Variants in TMEM74 observed in about 807,000 individuals in gnomAD.
TMEM74 encodes transmembrane protein 74.
In TMEM74, 13 loss-of-function variants were observed where a neutral mutation model predicts 18.1. The ratio of observed to expected loss-of-function variants is 0.72; its 90% CI spans 0.47 to 1.14. The LOEUF (loss-of-function observed/expected upper bound fraction) is 1.14. TMEM74 is among the 50% of genes most tolerant of loss of function. TMEM74 has a pLI of 0.00. For synonymous variants in TMEM74, 159 were observed against 146.6 expected (o/e 1.08, Z -0.61); for missense variants, 372 against 375.9 (o/e 0.99, Z 0.09).
chr8:108,726,529 G>A (rs1057108116), intron 1 of TMEM74, among the ~76,000 whole-genome samples: 5 of 152,152 alleles, frequency 3.3e-5, no homozygotes, highest in Non-Finnish European at 5.9e-5. Flanking sequence ...AATAGGTACG[G>A]TGTAACAAAT....
intron 1 of TMEM74, among the ~76,000 whole-genome samples, chr8:108,722,051 G>A (rs915421138): frequency 3.3e-5 from 5 of 152,094 alleles, no homozygotes; most frequent in South Asian, 2.1e-4. Context: ...GGTCAAAAAT[G>A]TTTTATTCTC....
chr8:108,611,423 A>G (rs1487867064), intron 2 of TMEM74, among the ~76,000 whole-genome samples: 1 of 152,248 alleles, frequency 6.6e-6, no homozygotes, highest in Non-Finnish European at 1.5e-5. Context: ...TGACCTCTCC[A>G]ACATACTAAT....
At chr8:108,735,784 A>C (rs769480705) in intron 1 of TMEM74, among the ~76,000 whole-genome samples, 2 of 152,036 alleles carry the variant, frequency 1.3e-5, no homozygotes, top group Non-Finnish European at 2.9e-5. Context: ...CCCACTCCTT[A>C]ATATCCAATA....
At chr8:108,611,976 C>T (rs1286701454) in intron 2 of TMEM74, among the ~76,000 whole-genome samples, 2 of 152,052 alleles carry the variant, frequency 1.3e-5, no homozygotes, top group African/African-American at 4.8e-5. Context: ...CTTCACAGGG[C>T]GGTAGGAGAG....
chr8:108,784,876 T>C lies in TMEM74; in HGVS notation c.223A>G (p.Thr75Ala). The C allele has an allele frequency of 6.2e-7, 1 of 1,613,982 alleles. No homozygotes were observed. The highest frequency in any genetic ancestry group is 8.5e-7 in the Non-Finnish European group (1 of 1,179,988). The stretch of plus-strand genomic sequence containing the variant: ...GGTGGAAAGGCATCTGGCTGAAGAG[T>C]ACTGTTTTGCAGAGAGGAGGAGGGG... The part of the protein sequence containing the change: ...ASPSSSLQNS[T>A]LQPDAFPPGL... Residue 75 changes from threonine (T) to alanine (A), a missense_variant, in exon 2 of 2, where the codon ACT becomes GCT. Coordinates refer to ENST00000297459, the MANE Select transcript of TMEM74 (RefSeq NM_153015.3).
At chr8:108,646,381 G>A (rs750562459) in intron 2 of TMEM74, among the ~76,000 whole-genome samples, 10 of 152,036 alleles carry the variant, frequency 6.6e-5, no homozygotes, top group Non-Finnish European at 1.3e-4. Context: ...TGAAAAATGA[G>A]TATAATAATA....
chr8:108,608,878 C>A (rs1812305743), intron 2 of TMEM74: 1 of 152,108 alleles, frequency 6.6e-6, no homozygotes, highest in Non-Finnish European at 1.5e-5. Context: ...CTGAAAATTT[C>A]TCTGGTTATA....
chr8:108,687,374 C>G (rs1008564247), intron 1 of TMEM74, among the ~76,000 whole-genome samples: 2 of 147,210 alleles, frequency 1.4e-5, no homozygotes, highest in African/African-American at 5.1e-5. Flanking sequence ...GAATTTGCGG[C>G]AAACACAACA....
rs1459834697 is a variant in TMEM74 at position 108,718,256 on chromosome 8, C to A, written n.120-62819G>T. Among the ~76,000 whole-genome samples the A allele has an allele frequency of 5.6e-5, 4 of 71,074 alleles. 1 individual carries two copies. Among genetic ancestry groups the A allele is most frequent in the Non-Finnish European group, 9.0e-5 (4 of 44,446 alleles). 46.6% of individuals were successfully genotyped at this position (71,074 alleles called of 152,430 possible). ...TACAGGCGTGAGCCACCGCGCCCGG[C>A]CCTGACTTAGGTTTTAAAAGGACCC... On this transcript the variant is annotated intron_variant and non_coding_transcript_variant, in intron 1 of 3. Transcript: ENST00000518838.
At chr8:108,638,450 T>C (rs1812628539) in intron 2 of TMEM74, among the ~76,000 whole-genome samples, 1 of 152,098 alleles carries the variant, frequency 6.6e-6, no homozygotes, top group South Asian at 2.1e-4. Context: ...ATAATCTTCA[T>C]GTTGTTTTTC....
At chr8:108,691,197 T>C (rs946929290) in intron 1 of TMEM74, among the ~76,000 whole-genome samples, 3 of 152,166 alleles carry the variant, frequency 2.0e-5, no homozygotes, top group Admixed American at 2.0e-4. Flanking sequence ...TTCTGGCTGG[T>C]GGTGCTCCAA....
chr8:108,688,990 G>A (rs1049763307), intron 1 of TMEM74, among the ~76,000 whole-genome samples: 3 of 152,162 alleles, frequency 2.0e-5, no homozygotes, highest in African/African-American at 7.2e-5. Flanking sequence ...GTATGCCAAG[G>A]GAATGGGGGT....
intron 1 of TMEM74, among the ~76,000 whole-genome samples, chr8:108,697,634 C>T (rs1813293541): frequency 6.6e-6 from 1 of 152,062 alleles, no homozygotes; most frequent in Non-Finnish European, 1.5e-5. Context: ...CCAGGCTGGT[C>T]TCATACACCT....
At chr8:108,631,879 T>A (rs568031373) in intron 2 of TMEM74, among the ~76,000 whole-genome samples, 3 of 152,104 alleles carry the variant, frequency 2.0e-5, no homozygotes, top group African/African-American at 7.2e-5. Flanking sequence ...TGTAGATAGT[T>A]AGATTAAATT....
intron 1 of TMEM74, among the ~76,000 whole-genome samples, chr8:108,672,230 G>A (rs1180616322): frequency 6.6e-6 from 1 of 152,098 alleles, no homozygotes; most frequent in Non-Finnish European, 1.5e-5. Flanking sequence ...AAAGAAGAGT[G>A]AACCCATTTT....
chr8:108,646,704 C>G (rs1410251414), intron 2 of TMEM74, among the ~76,000 whole-genome samples: 1 of 152,062 alleles, frequency 6.6e-6, no homozygotes, highest in Admixed American at 6.6e-5. Context: ...TTAACATTGG[C>G]ATAGAAACAC....
chr8:108,738,368 A>C (rs866426236), intron 1 of TMEM74, among the ~76,000 whole-genome samples: 1 of 152,158 alleles, frequency 6.6e-6, no homozygotes, highest in Non-Finnish European at 1.5e-5. Context: ...CTCCTGACAC[A>C]CTGTTGTGGC....
At chr8:108,786,355 C>A (rs1762462892) in intron 1 of TMEM74, among the ~76,000 whole-genome samples, 1 of 152,134 alleles carries the variant, frequency 6.6e-6, no homozygotes, top group Non-Finnish European at 1.5e-5. Context: ...TAACCAAAGG[C>A]TCCTTTTATT....
In TMEM74 at chr8:108,780,200, C is replaced by T. The variant is rs921509065; in HGVS notation, c.*3981G>A. Among the ~76,000 whole-genome samples, 2 of 152,038 alleles carry T rather than the reference C, an allele frequency of 1.3e-5. No individual in the cohort carries two copies. The highest frequency in any genetic ancestry group is 2.4e-5 in the African/African-American group (1 of 41,406). ...AGGTTGTGAATCTTTTTTGTCAGAC[C>T]ACGTTTTTTTGATGGCATTAATTGC... is the stretch of plus-strand genomic sequence containing the variant. On this transcript the variant is annotated 3_prime_UTR_variant, in exon 2 of 2. Coordinates refer to ENST00000297459, the MANE Select transcript of TMEM74 (RefSeq NM_153015.3).
Sources: allele counts gnomAD v4.1 joint callset (sites outside exome capture counted in the v4.1 genomes callset), GRCh38; gene constraint gnomAD v4.1.1; transcripts MANE v1.5; gene names NCBI Gene and HGNC (gene_info 2026-07-23, HGNC 2026-07-21).